The following C11orf65 variants were observed in gnomAD, a reference collection of about 807,000 sequenced individuals.
C11orf65 encodes the protein chromosome 11 open reading frame 65.
C11orf65 carries 38 observed loss-of-function variants against 35.3 expected under a neutral mutation model. That is an observed-to-expected ratio of 1.08 (90% CI 0.83 to 1.41). The LOEUF (loss-of-function observed/expected upper bound fraction) is 1.41. Among genes scored for constraint, C11orf65 ranks in the 40% most tolerant of loss-of-function variants. C11orf65 has a pLI of 0.00. For missense variants in C11orf65, 370 were observed against 367.1 expected, an observed-to-expected ratio of 1.01 and a Z score of -0.06; for synonymous variants, 105 against 114.4, an observed-to-expected ratio of 0.92 and a Z score of 0.53.
At position 108,419,943 on chromosome 11, in the gene C11orf65, T is replaced by C. The variant is rs535034231; in HGVS notation, c.174+11803A>G. ...GAAAAAGAAATAAAATGTATCATGT[T>C]TGAAAAGGCAAAAACAAAACTCATT... On this transcript the variant is annotated intron_variant, in intron 3 of 8. Coordinates refer to ENST00000393084, the MANE Select transcript of C11orf65 (RefSeq NM_152587.5). Among the ~76,000 whole-genome samples the C allele has an allele frequency of 5.3e-5, 8 of 152,306 alleles. No individual in the cohort carries two copies. The South Asian group carries it at 1.7e-3, about 32-fold the overall frequency.
chr11:108,448,790 T>C (rs564112394), intron 2 of C11orf65, among the ~76,000 whole-genome samples: 53 of 152,138 alleles, frequency 3.5e-4, no homozygotes, highest in African/African-American at 9.4e-4. Context: ...CCAGGGCAAT[T>C]AGGCAGGAGA....
downstream of C11orf65, chr11:108,327,499 TG>T (rs2085789108): frequency 1.4e-5 from 9 of 634,268 alleles, no homozygotes; most frequent in Non-Finnish European, 1.7e-5. Flanking sequence ...AATAGTTGTA[TG>T]GCAAAAGCAG....
At chr11:108,417,654 C>T (rs2092757489) in intron 3 of C11orf65, among the ~76,000 whole-genome samples, 1 of 151,808 alleles carries the variant, frequency 6.6e-6, no homozygotes, top group Admixed American at 6.6e-5. Context: ...AAAGATGTAC[C>T]ATGCAAATAA....
At chr11:108,364,940 C>G in intron 2 of C11orf65, 1 of 884,702 alleles carries the variant, frequency 1.1e-6, no homozygotes, top group Non-Finnish European at 1.7e-6. Context: ...CTCAAGGAAA[C>G]ATGAAGTGTG....
intron 2 of C11orf65, among the ~76,000 whole-genome samples, chr11:108,343,675 G>A (rs950041612): frequency 1.3e-5 from 2 of 152,106 alleles, no homozygotes; most frequent in Admixed American, 1.3e-4. Flanking sequence ...TGCCAGGCAC[G>A]ATGGCATGCA....
At chr11:108,411,465 T>G (rs1363881820) in intron 3 of C11orf65, among the ~76,000 whole-genome samples, 4 of 152,248 alleles carry the variant, frequency 2.6e-5, no homozygotes, top group Non-Finnish European at 5.9e-5. Context: ...TTTGCAGTGT[T>G]GCAAAAGTAG....
At position 108,338,881 on chromosome 11, in the gene C11orf65, G is replaced by T. The variant is rs138274989; in HGVS notation, c.227-3589C>A. ...TCTTGCCTTTAGTTAAGGTTCCCTA[G>T]ACTACAGCGAAGTAGTCTACCCAGT... On this transcript the variant is annotated intron_variant, in intron 2 of 3. Transcript: ENST00000524755. Among the ~76,000 whole-genome samples, 581 of 152,248 alleles carry T rather than the reference G, an allele frequency of 3.8e-3. 4 individuals are homozygous for T. The highest frequency in any genetic ancestry group is 6.5e-3 in the Non-Finnish European group (444 of 67,996).
intron 2 of C11orf65, among the ~76,000 whole-genome samples, chr11:108,349,819 A>T (rs1391445519): frequency 6.6e-6 from 1 of 152,202 alleles, no homozygotes; most frequent in Non-Finnish European, 1.5e-5. Flanking sequence ...GGAGAAAAAC[A>T]AAAGATAATT....
chr11:108,327,205 G>A (rs889402934), downstream of C11orf65, among the ~76,000 whole-genome samples: 2 of 152,170 alleles, frequency 1.3e-5, no homozygotes, highest in Non-Finnish European at 2.9e-5. Context: ...CCAAAGCACT[G>A]AGTGCCAATA....
intron 3 of C11orf65, among the ~76,000 whole-genome samples, chr11:108,411,948 G>GT (rs1385338993): frequency 6.6e-6 from 1 of 151,778 alleles, no homozygotes; most frequent in East Asian, 1.9e-4. Flanking sequence ...ACTAAATTTT[G>GT]TATTTTTAGT....
intron 3 of C11orf65, among the ~76,000 whole-genome samples, chr11:108,334,246 T>G (rs566521741): frequency 1.0e-3 from 156 of 152,284 alleles, no homozygotes; most frequent in Non-Finnish European, 1.9e-3. Context: ...AAGGAGAGTT[T>G]CCGTGTGCTT....
intron 2 of C11orf65, among the ~76,000 whole-genome samples, chr11:108,439,643 TAGAA>T (rs959985857): frequency 4.6e-5 from 7 of 152,224 alleles, no homozygotes; most frequent in South Asian, 2.1e-4. Context: ...TATCCATCCT[TAGAA>T]AGGAATGAAA....
upstream of C11orf65, chr11:108,467,654 G>A (rs2093556870): frequency 6.6e-6 from 1 of 152,116 alleles, no homozygotes; most frequent in Non-Finnish European, 1.5e-5. Context: ...GAAGGCTGCT[G>A]GTTCTGTTAG....
At chr11:108,319,506 C>T (rs1348860683) in intron 6 of C11orf65, among the ~76,000 whole-genome samples, 1 of 152,082 alleles carries the variant, frequency 6.6e-6, no homozygotes. Context: ...TCTTGATTAC[C>T]CATTCTATAA....
Position 108,335,010 on chromosome 11 carries a change from G to C in C11orf65, c.299+210C>G, listed in dbSNP as rs752121828. On this transcript the variant is annotated intron_variant, in intron 3 of 3. Transcript: ENST00000524755. ...AATATGGAAATCTGGTGACTATACA[G>C]TCATTTAAAGCAGAATTTCGCTTAG... 1.2e-6 allele frequency: 2 copies of C among 1,613,778 alleles called. No individual in the cohort carries two copies. The highest frequency in any genetic ancestry group is 4.5e-5 in the East Asian group (2 of 44,862).
intron 2 of C11orf65, among the ~76,000 whole-genome samples, chr11:108,450,579 A>T (rs905558285): frequency 9.5e-5 from 13 of 136,570 alleles, no homozygotes; most frequent in Non-Finnish European, 1.8e-4. Context: ...AACAATGAGA[A>T]CACATAGGCA....
chr11:108,407,199 G>T, intron 3 of C11orf65, 50 bp from the exon 4 acceptor site: 1 of 1,258,742 alleles, frequency 7.9e-7, no homozygotes, highest in Non-Finnish European at 1.1e-6. Context: ...GATTCTGTAT[G>T]TATCAATTCA....
At chr11:108,405,682 T>C (rs1172923716) in intron 5 of C11orf65, 123 bp from the exon 6 acceptor site, 13 of 985,218 alleles carry the variant, frequency 1.3e-5, no homozygotes, top group Non-Finnish European at 1.7e-5. Flanking sequence ...GAGGAGAGGA[T>C]AGATACTTTC....
At chr11:108,424,581 C>T (rs1372476046) in intron 3 of C11orf65, among the ~76,000 whole-genome samples, 1 of 152,110 alleles carries the variant, frequency 6.6e-6, no homozygotes, top group African/African-American at 2.4e-5. Context: ...TAACACCCCC[C>T]TGTCAACATT....
Sources: gnomAD v4.1 joint callset for allele counts (sites outside exome capture counted in the v4.1 genomes callset) on GRCh38, gnomAD v4.1.1 for gene constraint, MANE v1.5 for transcripts, NCBI Gene and HGNC (gene_info 2026-07-23, HGNC 2026-07-21) for gene names.